The following PKIG variants were observed in gnomAD, a reference collection of about 807,000 sequenced individuals.
PKIG encodes cAMP-dependent protein kinase inhibitor gamma.
PKIG carries 1 observed loss-of-function variant against 6.8 expected under a neutral mutation model. The ratio of observed to expected loss-of-function variants is 0.15; its 90% CI spans 0.05 to 0.69. PKIG has a LOEUF of 0.69. Among genes scored for constraint, PKIG ranks in the 30% least tolerant of loss-of-function variants. PKIG has a pLI of 0.82. For missense variants in PKIG, 77 were observed against 104.0 expected, an observed-to-expected ratio of 0.74 and a Z score of 1.13; for synonymous variants, 39 against 43.0, an observed-to-expected ratio of 0.91 and a Z score of 0.36.
At chr20:44,617,982 G>C (rs2123495162) in intron 3 of PKIG, among the ~76,000 whole-genome samples, 1 of 151,784 alleles carries the variant, frequency 6.6e-6, no homozygotes, top group Non-Finnish European at 1.5e-5. Context: ...CTCTCCCTCT[G>C]GGGAACCTGC....
At chr20:44,547,402 G>A (rs562277343) in intron 1 of PKIG, among the ~76,000 whole-genome samples, 3 of 152,346 alleles carry the variant, frequency 2.0e-5, no homozygotes, top group African/African-American at 7.2e-5. Context: ...GAGAGAATAT[G>A]ATGACATCAG....
intron 2 of PKIG, among the ~76,000 whole-genome samples, chr20:44,611,202 G>A (rs995076476): frequency 1.3e-5 from 2 of 151,730 alleles, no homozygotes; most frequent in Non-Finnish European, 2.9e-5. Flanking sequence ...CTACAGGCGT[G>A]TGCTACCACA....
chr20:44,553,125 A>G (rs948139792), intron 1 of PKIG, among the ~76,000 whole-genome samples: 4 of 152,060 alleles, frequency 2.6e-5, no homozygotes, highest in Non-Finnish European at 5.9e-5. Context: ...TTTTCTTCCC[A>G]CCGCCTCATA....
chr20:44,572,874 T>C (rs974496164), intron 1 of PKIG, among the ~76,000 whole-genome samples: 3 of 152,136 alleles, frequency 2.0e-5, no homozygotes, highest in African/African-American at 7.2e-5. Context: ...TCTTTAGTTA[T>C]CCCACGTTTG....
At chr20:44,584,356 G>A (rs970099164) in intron 1 of PKIG, among the ~76,000 whole-genome samples, 2 of 151,790 alleles carry the variant, frequency 1.3e-5, no homozygotes, top group African/African-American at 4.8e-5. Flanking sequence ...CTTAAAGCCC[G>A]CCATCCTAGT....
intron 2 of PKIG, among the ~76,000 whole-genome samples, chr20:44,607,752 T>C (rs2065179281): frequency 6.8e-6 from 1 of 146,998 alleles, no homozygotes; most frequent in Non-Finnish European, 1.5e-5. Context: ...TGGCACGATC[T>C]CGGCTCACTG....
In PKIG at chr20:44,585,366, T is replaced by C. The variant is rs528275943; in HGVS notation, c.-94+2635T>C. ...GTGGAGGTAGGTTGTGGAAAAGATGTGTCCAGAGATCTCATTTGGCTTTGG... is the reference window on the plus strand; with the variant it reads ...GTGGAGGTAGGTTGTGGAAAAGATGCGTCCAGAGATCTCATTTGGCTTTGG... On this transcript the variant is annotated intron_variant, in intron 1 of 3. Transcript: ENST00000372886. Among the ~76,000 whole-genome samples, 19 of 152,330 alleles carry C rather than the reference T, an allele frequency of 1.2e-4. 1 individual carries two copies. The highest frequency in any genetic ancestry group is 2.4e-5 in the African/African-American group (1 of 41,576).
chr20:44,595,549 T>C (rs1015130593), intron 2 of PKIG, among the ~76,000 whole-genome samples: 1 of 152,208 alleles, frequency 6.6e-6, no homozygotes, highest in African/African-American at 2.4e-5. Context: ...AGTTTCGCTG[T>C]GTTGCCCAGG....
chr20:44,573,593 A>G (rs927225361), intron 1 of PKIG, among the ~76,000 whole-genome samples: 20 of 152,224 alleles, frequency 1.3e-4, no homozygotes, highest in Admixed American at 1.1e-3. Context: ...GCAAAGGAGA[A>G]GTAGGGTAAT....
chr20:44,599,274 A>G (rs1315101108), intron 2 of PKIG, among the ~76,000 whole-genome samples: 1 of 152,238 alleles, frequency 6.6e-6, no homozygotes, highest in African/African-American at 2.4e-5. Context: ...TTTATAGCCT[A>G]ATAGCACAGG....
At chr20:44,538,994 C>T (rs2064536699) in intron 1 of PKIG, among the ~76,000 whole-genome samples, 2 of 151,226 alleles carry the variant, frequency 1.3e-5, no homozygotes, top group African/African-American at 2.4e-5. Flanking sequence ...GCGTGATCTC[C>T]ACTCACTCAC....
intron 1 of PKIG, among the ~76,000 whole-genome samples, chr20:44,537,163 G>A (rs1400009918): frequency 6.6e-6 from 1 of 152,134 alleles, no homozygotes; most frequent in African/African-American, 2.4e-5. Context: ...GGAGTACAAT[G>A]GTACGATCTT....
rs564851622 is a variant in PKIG, at chr20:44,614,030, C to T, written c.-23-504C>T. Among the ~76,000 whole-genome samples the T allele has an allele frequency of 3.8e-4, 58 of 152,310 alleles. No homozygotes were observed. The highest frequency in any genetic ancestry group is 1.3e-3 in the African/African-American group (56 of 41,558). The stretch of plus-strand genomic sequence containing the variant: ...TTCCCCTCACTCTTCATCTGCATGA[C>T]GCCTCGTCCTCCTTGGTTCTCAGCT... On this transcript the variant is annotated intron_variant, in intron 2 of 3. Coordinates refer to ENST00000372886, the MANE Select transcript of PKIG (RefSeq NM_001281445.2). This position sits in a 1 kb window ranked among gnomAD's most constrained non-coding sequence, Gnocchi z 4.6.
chr20:44,554,398 C>A (rs1282975525), intron 1 of PKIG, among the ~76,000 whole-genome samples: 2 of 152,090 alleles, frequency 1.3e-5, no homozygotes, highest in Non-Finnish European at 1.5e-5. Context: ...ATTTTTTAAT[C>A]CAGATAAATT....
chr20:44,581,166 A>T (rs1010001073), upstream of PKIG, among the ~76,000 whole-genome samples: 2 of 152,194 alleles, frequency 1.3e-5, no homozygotes, highest in African/African-American at 4.8e-5. Flanking sequence ...GACCTTGGGC[A>T]TGTCACCTAA....
At chr20:44,579,304 A>G (rs1452965943), upstream of PKIG, among the ~76,000 whole-genome samples, 1 of 152,198 alleles carries the variant, frequency 6.6e-6, no homozygotes, top group Non-Finnish European at 1.5e-5. Flanking sequence ...CTGGGGGTAA[A>G]AGGTGGAATT....
chr20:44,617,509 A>AG (rs1033665937), intron 3 of PKIG, among the ~76,000 whole-genome samples: 5 of 152,058 alleles, frequency 3.3e-5, no homozygotes, highest in African/African-American at 9.7e-5. Context: ...CACCTTGCAC[A>AG]GGGGGGCTCA....
intron 2 of PKIG, among the ~76,000 whole-genome samples, chr20:44,590,504 A>G (rs1017661664): frequency 9.9e-5 from 15 of 152,202 alleles, no homozygotes; most frequent in Admixed American, 9.2e-4. Flanking sequence ...TAAGTTAATA[A>G]TTTTAAACTC....
At chr20:44,589,402 A>G (rs2065016471) in intron 1 of PKIG, among the ~76,000 whole-genome samples, 1 of 151,902 alleles carries the variant, frequency 6.6e-6, no homozygotes, top group Admixed American at 6.6e-5. Context: ...GCAATTTTAC[A>G]ATATGCTTTT....
Sources: allele counts gnomAD v4.1 joint callset (sites outside exome capture counted in the v4.1 genomes callset), GRCh38; gene constraint gnomAD v4.1.1; non-coding constraint Gnocchi (gnomAD v3.1); transcripts MANE v1.5; gene names NCBI Gene and HGNC (gene_info 2026-07-23, HGNC 2026-07-21).